CD79B: variants seen among roughly 807,000 people sequenced by gnomAD.
The protein encoded by CD79B is B-cell antigen receptor complex-associated protein beta chain.
Under a neutral mutation model 30.0 loss-of-function variants are expected in CD79B, and 7 were observed. The ratio of observed to expected loss-of-function variants is 0.23; its 90% CI spans 0.13 to 0.44. The LOEUF is 0.44. Ranked by LOEUF, CD79B falls within the 20% of genes least tolerant of loss-of-function variation. The probability of loss-of-function intolerance (pLI) is 1.00; values close to 1 mark genes in which losing one functional copy is unlikely to be tolerated. For synonymous variants in CD79B, 118 were observed against 119.2 expected (o/e 0.99, Z 0.07); for missense variants, 218 against 299.1 (o/e 0.73, Z 2.00).
At chr17:63,932,060 G>A (rs1193623880) in intron 1 of CD79B, 135 bp downstream of exon 1, 1 of 834,240 alleles carries the variant, frequency 1.2e-6, no homozygotes, top group Non-Finnish European at 2.0e-6. Flanking sequence ...CCAGGCCCCA[G>A]GGCCATGAGA....
In CD79B at chr17:63,928,811, T is replaced by G; in HGVS notation, c.*415A>C. Reference sequence around the variant, plus strand: ...GGCCAGGGCCTCCCTGGGGTGGGAGTGGTTGCGGGAGAGGAATGATGTTCC... The same window carrying G: ...GGCCAGGGCCTCCCTGGGGTGGGAGGGGTTGCGGGAGAGGAATGATGTTCC... On this transcript the variant is annotated 3_prime_UTR_variant, in exon 6 of 6. Transcript: ENST00000006750. The G allele has an allele frequency of 3.6e-5, 12 of 334,952 alleles. No individual in the cohort carries two copies. The highest frequency in any genetic ancestry group is 5.1e-5 in the Non-Finnish European group (9 of 177,774). 20.7% of individuals were successfully genotyped at this position (334,952 alleles called of 1,614,324 possible).
At position 63,931,253 on chromosome 17, in the gene CD79B, C is replaced by T. The variant is rs1372877909; in HGVS notation, c.118+82G>A. On this transcript the variant is annotated intron_variant, in intron 2 of 5. Coordinates refer to ENST00000006750, the MANE Select transcript of CD79B (RefSeq NM_000626.4). ...CAGGCAAGGGTGGGAAGGCGGACCG[C>T]CCCCAGGACAGGGACCATAGTCGGA... 7.0e-6 allele frequency: 10 copies of T among 1,436,096 alleles called. No individual in the cohort carries two copies. The African/African-American group carries it at 1.1e-4, about 16-fold the overall frequency. The allele number at this position is 1,436,096 out of a possible 1,614,324, so 89.0% of individuals were successfully genotyped here.
In CD79B at chr17:63,929,149, G is replaced by A; in HGVS notation, c.*77C>T. On this transcript the variant is annotated 3_prime_UTR_variant, in exon 6 of 6. Coordinates refer to ENST00000006750, the MANE Select transcript of CD79B (RefSeq NM_000626.4). The stretch of plus-strand genomic sequence containing the variant: ...AGCTGGGGGGTCCAGGAAAGGGGTT[G>A]GGCCATGAGCCAGGCAGCTCCGAAG... 3 of 983,648 alleles carry A rather than the reference G, an allele frequency of 3.0e-6. No homozygotes were observed. The highest frequency in any genetic ancestry group is 4.9e-6 in the Non-Finnish European group (3 of 610,286). 60.9% of individuals were successfully genotyped at this position (983,648 alleles called of 1,614,324 possible).
intron 3 of CD79B, 24 bp downstream of exon 3, chr17:63,930,050 G>C: frequency 3.7e-6 from 6 of 1,611,494 alleles, no homozygotes; most frequent in Middle Eastern, 3.3e-4. Flanking sequence ...AGCTACAGGA[G>C]CGTCCCAGCC....
Position 63,929,898 on chromosome 17 carries a change from CA to C in CD79B, c.431-11del. ...GCCAAGGTGCTGAATCCTGCGGGGA[CA>C]GGGGTGGGGTTGTGAGCCTGGGCCA... On this transcript the variant is annotated splice_polypyrimidine_tract_variant and intron_variant, in intron 3 of 5. Coordinates refer to ENST00000006750, the MANE Select transcript of CD79B (RefSeq NM_000626.4). The C allele has an allele frequency of 6.2e-7, 1 of 1,604,282 alleles. No individual in the cohort carries two copies. Among genetic ancestry groups the C allele is most frequent in the Non-Finnish European group, 8.5e-7 (1 of 1,171,264 alleles).
In CD79B at chr17:63,930,309, G is replaced by A; in HGVS notation, c.195C>T (p.Cys65=). 6.2e-7 allele frequency: 1 copy of A among 1,614,172 alleles called. No homozygotes were observed. Among genetic ancestry groups the A allele is most frequent in the Non-Finnish European group, 8.5e-7 (1 of 1,180,020 alleles). The stretch of plus-strand genomic sequence containing the variant: ...CATTGCCGGAGGCGCTGTTCATGTA[G>A]CAGTGCATTTTCACCGTGAAGCCCC... ...RKRGFTVKMH[C]YMNSASGNVS... The change falls in exon 3 of 6, where the codon TGC becomes TGT. Residue 65 remains cysteine (C), a synonymous_variant. Transcript: ENST00000006750.
At chr17:63,930,638 CT>C in intron 2 of CD79B, 1 of 573,624 alleles carries the variant, frequency 1.7e-6, no homozygotes, top group East Asian at 3.0e-5. Flanking sequence ...TTCGATTTTC[CT>C]TTGGAAGAGC....
At position 63,931,444 on chromosome 17, in the gene CD79B, C is replaced by G; in HGVS notation, c.68-59G>C. On this transcript the variant is annotated intron_variant, in intron 1 of 5. Coordinates refer to ENST00000006750, the MANE Select transcript of CD79B (RefSeq NM_000626.4). The stretch of plus-strand genomic sequence containing the variant: ...AGGGCCTCCTCTGGCCTGGGCTGCC[C>G]CACCCCTGCATGCCCTCTATGTTCC... 2.6e-6 allele frequency: 4 copies of G among 1,533,640 alleles called. No individual in the cohort carries two copies. In the Admixed American group the frequency reaches 6.7e-5, roughly 26 times the overall value.
intron 1 of CD79B, 170 bp downstream of exon 1, chr17:63,932,025 C>T (rs1435309412): frequency 4.2e-6 from 3 of 708,816 alleles, no homozygotes; most frequent in Non-Finnish European, 7.6e-6. Flanking sequence ...GAGCCCATCA[C>T]CACGTGCAGC....
At chr17:63,932,006 C>G in intron 1 of CD79B, 189 bp downstream of exon 1, 1 of 679,744 alleles carries the variant, frequency 1.5e-6, no homozygotes, top group South Asian at 1.5e-5. Context: ...ACTGGGGCCA[C>G]AGGCTCCTGA....
At position 63,930,361 on chromosome 17, in the gene CD79B, T is replaced by C; in HGVS notation, c.143A>G (p.Gln48Arg). ...TTTCCTGGCTATGAAACGTGGGCTC[T>C]GCCAGATCCGCGAACAAGCACTACC... The part of the protein sequence containing the change: ...PKGSACSRIW[Q>R]SPRFIARKRG... The change falls in exon 3 of 6, where the codon CAG (glutamine) becomes CGG (arginine). Residue 48 changes from glutamine (Q) to arginine (R), a missense_variant. By Grantham distance (43) the Gln-to-Arg change is conservative. Coordinates refer to ENST00000006750, the MANE Select transcript of CD79B (RefSeq NM_000626.4). 6.2e-7 allele frequency: 1 copy of C among 1,613,956 alleles called. No individual in the cohort carries two copies. Among genetic ancestry groups the C allele is most frequent in the Non-Finnish European group, 8.5e-7 (1 of 1,180,014 alleles).
intron 5 of CD79B, 28 bp downstream of exon 5, chr17:63,929,404 CAG>C: frequency 1.9e-6 from 3 of 1,613,670 alleles, no homozygotes; most frequent in Non-Finnish European, 2.5e-6. Flanking sequence ...CCCGAGGACT[CAG>C]AGCTGCTGGG....
chr17:63,930,516 G>T, intron 2 of CD79B, 131 bp from the exon 3 acceptor site: 1 of 841,048 alleles, frequency 1.2e-6, no homozygotes, highest in Non-Finnish European at 1.9e-6. Flanking sequence ...TGTGGGACAG[G>T]CAGGAGGCTG....
chr17:63,929,133 G>T lies in CD79B; in HGVS notation c.*93C>A. ...GCCAGCTTCAGAGGCCAGCTGGGGG[G>T]TCCAGGAAAGGGGTTGGGCCATGAG... On this transcript the variant is annotated 3_prime_UTR_variant, in exon 6 of 6. Transcript: ENST00000006750. 1 of 864,940 alleles carries T rather than the reference G, an allele frequency of 1.2e-6. No individual in the cohort carries two copies. 53.6% of individuals were successfully genotyped at this position (864,940 alleles called of 1,614,324 possible). A position where few individuals can be genotyped will look rare whatever the true frequency, so the allele number is the denominator to read the frequency against.
At chr17:63,931,943 C>T (rs557113963) in intron 1 of CD79B, 54 of 574,168 alleles carry the variant, frequency 9.4e-5, no homozygotes, top group Non-Finnish European at 1.6e-4. Flanking sequence ...GTTGCTAACT[C>T]TGGTTTGCTC....
At chr17:63,932,114 A>G (rs1908168001) in intron 1 of CD79B, 81 bp downstream of exon 1, 2 of 1,227,446 alleles carry the variant, frequency 1.6e-6, no homozygotes, top group Non-Finnish European at 2.4e-6. Context: ...AGGAGGGTGG[A>G]GCAAGCAGGA....
At chr17:63,930,649 C>T in intron 2 of CD79B, 1 of 564,692 alleles carries the variant, frequency 1.8e-6, no homozygotes, top group Non-Finnish European at 3.2e-6. Context: ...TTTGGAAGAG[C>T]CCTGGGACCT....
intron 1 of CD79B, 121 bp downstream of exon 1, chr17:63,932,074 A>C: frequency 1.1e-6 from 1 of 906,924 alleles, no homozygotes; most frequent in Non-Finnish European, 1.8e-6. Flanking sequence ...CATGAGAGGG[A>C]GACAGGCGGT....
At chr17:63,931,451 T>G in intron 1 of CD79B, 66 bp from the exon 2 acceptor site, 1 of 1,473,930 alleles carries the variant, frequency 6.8e-7, no homozygotes, top group South Asian at 1.1e-5. Flanking sequence ...GCCCCACCCC[T>G]GCATGCCCTC....
Sources: allele counts gnomAD v4.1 joint callset, GRCh38; gene constraint gnomAD v4.1.1; transcripts MANE v1.5; gene names NCBI Gene and HGNC (gene_info 2026-07-23, HGNC 2026-07-21).